TCF7L2: variants seen among roughly 807,000 people sequenced by gnomAD.
The protein encoded by TCF7L2 is transcription factor 7-like 2.
TCF7L2 carries 23 observed loss-of-function variants against 77.9 expected under a neutral mutation model. The ratio of observed to expected loss-of-function variants is 0.30; its 90% CI spans 0.21 to 0.42. The LOEUF is 0.42. TCF7L2 is among the 10% of genes least tolerant of loss of function. The pLI is 1.00. For missense variants in TCF7L2, 654 were observed against 793.1 expected (o/e 0.82, Z 2.11); for synonymous variants, 413 against 340.2 (o/e 1.21, Z -2.36).
chr10:113,063,200 C>T (rs2056752859), intron 5 of TCF7L2, among the ~76,000 whole-genome samples: 1 of 152,138 alleles, frequency 6.6e-6, no homozygotes. Context: ...CCCGCCCCAC[C>T]CGATGCCTAC....
intron 3 of TCF7L2, among the ~76,000 whole-genome samples, chr10:112,952,266 C>T (rs1313138738): frequency 6.6e-6 from 1 of 152,180 alleles, no homozygotes; most frequent in Admixed American, 6.5e-5. Context: ...GGCTCTCGGC[C>T]CTCCTTCCCC....
chr10:113,140,183 G>T (rs1174789377), intron 5 of TCF7L2, among the ~76,000 whole-genome samples: 1 of 152,090 alleles, frequency 6.6e-6, no homozygotes, highest in African/African-American at 2.4e-5. Context: ...GCTTGTTTCA[G>T]CTTAATTTTT....
chr10:113,070,466 C>T (rs2057856613), intron 5 of TCF7L2, among the ~76,000 whole-genome samples: 1 of 152,014 alleles, frequency 6.6e-6, no homozygotes, highest in Non-Finnish European at 1.5e-5. Context: ...CAGATCCTAG[C>T]TGCTTGCTAT....
intron 5 of TCF7L2, among the ~76,000 whole-genome samples, chr10:113,049,069 A>G (rs1409687508): frequency 6.6e-6 from 1 of 152,048 alleles, no homozygotes; most frequent in Non-Finnish European, 1.5e-5. Context: ...GTGTATTGCT[A>G]TGTCCAGTTT....
intron 4 of TCF7L2, among the ~76,000 whole-genome samples, chr10:112,993,158 C>T (rs1344101973): frequency 6.6e-6 from 1 of 152,190 alleles, no homozygotes; most frequent in Non-Finnish European, 1.5e-5. Flanking sequence ...CTCCCCACTC[C>T]ATTTTGTGAA....
chr10:112,970,777 T>G (rs1253896498), intron 4 of TCF7L2, among the ~76,000 whole-genome samples: 1 of 152,180 alleles, frequency 6.6e-6, no homozygotes, highest in African/African-American at 2.4e-5. Flanking sequence ...CTTGTTTTCA[T>G]GAGGATTTGC....
intron 3 of TCF7L2, among the ~76,000 whole-genome samples, chr10:112,959,950 CA>C (rs1472413264): frequency 6.8e-6 from 1 of 147,946 alleles, no homozygotes; most frequent in Non-Finnish European, 1.5e-5. Flanking sequence ...GAAAGTGGAC[CA>C]AAAAAACTAA....
intron 5 of TCF7L2, chr10:113,126,995 AGCCTTT>A: frequency 1.1e-6 from 1 of 908,228 alleles, no homozygotes; most frequent in Non-Finnish European, 1.3e-6. Context: ...GCATGCTCTC[AGCCTTT>A]GCCATGTTCG....
intron 5 of TCF7L2, chr10:113,125,850 C>T (rs1473653728): frequency 2.0e-5 from 3 of 152,214 alleles, no homozygotes; most frequent in Admixed American, 1.3e-4. Flanking sequence ...GGAAATAATA[C>T]GATCACAGTC....
chr10:112,965,178 C>T (rs2036448367), intron 4 of TCF7L2, among the ~76,000 whole-genome samples: 2 of 152,138 alleles, frequency 1.3e-5, no homozygotes, highest in Non-Finnish European at 2.9e-5. Flanking sequence ...TTCTCTTGGA[C>T]CTGTCTATGT....
chr10:113,008,159 C>T (rs1590336667), intron 4 of TCF7L2, among the ~76,000 whole-genome samples: 1 of 152,148 alleles, frequency 6.6e-6, no homozygotes, highest in Non-Finnish European at 1.5e-5. Flanking sequence ...TGCAATGCTC[C>T]TTTTTTCAGA....
rs369811726 is a variant in TCF7L2 at position 113,143,939 on chromosome 10, G to T, written c.702G>T (p.Pro234=). 6.2e-7 allele frequency: 1 copy of T among 1,613,082 alleles called. No homozygotes were observed. Among genetic ancestry groups the T allele is most frequent in the Admixed American group, 1.7e-5 (1 of 59,910 alleles). ...TTCCCTCAGGAATCCCACGGCCTCCGCACCCTCCAGATATATCCCCGTATT... is the reference window on the plus strand; with the variant it reads ...TTCCCTCAGGAATCCCACGGCCTCCTCACCCTCCAGATATATCCCCGTATT... The change falls in exon 7 of 14, where the codon CCG becomes CCT. Residue 234 remains proline, a synonymous_variant. Transcript: ENST00000627217.
At chr10:113,036,545 C>T (rs1216090556) in intron 4 of TCF7L2, among the ~76,000 whole-genome samples, 2 of 152,030 alleles carry the variant, frequency 1.3e-5, no homozygotes, top group Admixed American at 1.3e-4. Context: ...CTCACAGGTC[C>T]AAAGCTTAAC....
chr10:113,130,752 AATTATTATTATT>A (rs147371098), intron 5 of TCF7L2, among the ~76,000 whole-genome samples: 2 of 148,868 alleles, frequency 1.3e-5, no homozygotes. Context: ...CTTTTTAAAA[AATTATTATTATT>A]ATTATTATTA....
At chr10:113,132,821 TA>T (rs2066808059) in intron 5 of TCF7L2, 1 of 152,208 alleles carries the variant, frequency 6.6e-6, no homozygotes, top group Non-Finnish European at 1.5e-5. Context: ...GGAAATTACT[TA>T]GGGGTGAAGT....
At chr10:113,164,897 G>C (rs894758880) in intron 13 of TCF7L2, among the ~76,000 whole-genome samples, 1 of 152,030 alleles carries the variant, frequency 6.6e-6, no homozygotes, top group Non-Finnish European at 1.5e-5. Flanking sequence ...AAGCTCTCTG[G>C]GCGCCAGCAG....
At chr10:113,040,237 T>A (rs751987272) in intron 5 of TCF7L2, 111 bp downstream of exon 5, 3 of 902,398 alleles carry the variant, frequency 3.3e-6, no homozygotes, top group Non-Finnish European at 3.4e-6. Flanking sequence ...TTTAAACACA[T>A]TTTCTTTGGA....
At chr10:113,158,519 T>C (rs922337160) in intron 12 of TCF7L2, 148 bp from the exon 13 acceptor site, 18 of 788,374 alleles carry the variant, frequency 2.3e-5, no homozygotes, top group African/African-American at 3.5e-5. Flanking sequence ...ATTACACCCA[T>C]TTTAAATTAA....
intron 3 of TCF7L2, among the ~76,000 whole-genome samples, chr10:112,964,335 G>T (rs1339491915): frequency 6.6e-6 from 1 of 151,864 alleles, no homozygotes. Context: ...TATTGAATAG[G>T]TGCTTAAAAA....
Sources: gnomAD v4.1 joint callset for allele counts (sites outside exome capture counted in the v4.1 genomes callset) on GRCh38, gnomAD v4.1.1 for gene constraint, MANE v1.5 for transcripts, NCBI Gene and HGNC (gene_info 2026-07-23, HGNC 2026-07-21) for gene names.